The following DNAH9 variants were observed in gnomAD, a reference collection of about 807,000 sequenced individuals.
DNAH9 encodes dynein axonemal heavy chain 9.
A neutral mutation model predicts 471.6 loss-of-function variants in DNAH9; 345 were observed. The ratio of observed to expected loss-of-function variants is 0.73; its 90% CI spans 0.67 to 0.80. The LOEUF (loss-of-function observed/expected upper bound fraction) is 0.80. Ranked by LOEUF, DNAH9 falls within the 30% of genes least tolerant of loss-of-function variation. The probability of loss-of-function intolerance (pLI) is 0.00; values close to 1 mark genes in which losing one functional copy is unlikely to be tolerated. For synonymous variants in DNAH9, 2,093 were observed against 2,123.6 expected, an observed-to-expected ratio of 0.99 and a Z score of 0.40; for missense variants, 5,407 against 5,609.2, an observed-to-expected ratio of 0.96 and a Z score of 1.15.
In DNAH9 at chr17:11,701,164, A is replaced by G. The variant is rs1480573854; in HGVS notation, c.5068A>G (p.Thr1690Ala). Residue 1690 changes from threonine (T) to alanine (A), a missense_variant, in exon 24 of 69, where the codon ACT becomes GCT. Around this residue, in one of 3 missense-constraint regions of DNAH9, gnomAD observed 4,636 missense variants for 4,900.3 expected, o/e 0.95. Coordinates refer to ENST00000262442, the MANE Select transcript of DNAH9 (RefSeq NM_001372.4). ...LNHVLGHMKA[T>A]VRHEMTEGVT... Reference sequence around the variant, plus strand: ...CCATGTCCTTGGTCACATGAAGGCCACTGTGAGGCATGAGATGACAGAAGG... The same window carrying G: ...CCATGTCCTTGGTCACATGAAGGCCGCTGTGAGGCATGAGATGACAGAAGG... The G allele has an allele frequency of 6.2e-7, 1 of 1,614,008 alleles. No homozygotes were observed. The highest frequency in any genetic ancestry group is 1.3e-5 in the African/African-American group (1 of 74,944).
In DNAH9 at chr17:11,969,293, T is replaced by C. The variant is rs1050631828; in HGVS notation, c.13234-7T>C. On this transcript the variant is annotated splice_region_variant and splice_polypyrimidine_tract_variant and intron_variant, in intron 68 of 68. Transcript: ENST00000262442. ...CTAAGGTGCCTCTTCTCATGTTTTA[T>C]CCTCAGGCTGGGATCATTACAGAGG... is the stretch of plus-strand genomic sequence containing the variant. 2 of 1,613,158 alleles carry C rather than the reference T, an allele frequency of 1.2e-6. No individual in the cohort carries two copies. The highest frequency in any genetic ancestry group is 1.7e-6 in the Non-Finnish European group (2 of 1,179,530).
intron 43 of DNAH9, among the ~76,000 whole-genome samples, chr17:11,800,475 A>C (rs1203963902): frequency 6.6e-6 from 1 of 151,812 alleles, no homozygotes; most frequent in Non-Finnish European, 1.5e-5. Flanking sequence ...CTATGTTATC[A>C]TTTATCAAAA....
chr17:11,918,508 G>C (rs1395100518), intron 61 of DNAH9, among the ~76,000 whole-genome samples: 1 of 152,020 alleles, frequency 6.6e-6, no homozygotes, highest in Admixed American at 6.6e-5. Flanking sequence ...TGGGATTATA[G>C]GCATGAGTCA....
intron 45 of DNAH9, among the ~76,000 whole-genome samples, chr17:11,820,595 A>G (rs1163182106): frequency 2.6e-5 from 4 of 152,160 alleles, no homozygotes; most frequent in East Asian, 1.9e-4. Context: ...TTCCTTCACC[A>G]TGAACTTTCT....
chr17:11,727,392 C>T (rs2075173696), intron 27 of DNAH9, among the ~76,000 whole-genome samples: 2 of 152,046 alleles, frequency 1.3e-5, no homozygotes. Context: ...GTCTCCAGCT[C>T]CCTCACCACT....
At chr17:11,923,728 A>T in intron 61 of DNAH9, 86 bp from the exon 62 acceptor site, 3 of 1,541,560 alleles carry the variant, frequency 1.9e-6, no homozygotes, top group Non-Finnish European at 2.7e-6. Context: ...TTGAGGGGTG[A>T]TCTGAGCGTG....
In DNAH9 at chr17:11,758,305, C is replaced by T. The variant is rs1019465368; in HGVS notation, c.6995+613C>T. Among the ~76,000 whole-genome samples, 12 of 152,336 alleles carry T rather than the reference C, an allele frequency of 7.9e-5. No individual in the cohort carries two copies. In the South Asian group the frequency reaches 2.5e-3, roughly 32 times the overall value. ...TTGACCAAGAGGATACTTACTACAG[C>T]AAGAATACTATCTGTGTCAGCACAG... On this transcript the variant is annotated intron_variant, in intron 35 of 68. Transcript: ENST00000262442.
intron 57 of DNAH9, 70 bp downstream of exon 57, chr17:11,887,035 T>A: frequency 1.3e-6 from 2 of 1,506,896 alleles, no homozygotes; most frequent in Non-Finnish European, 1.8e-6. Flanking sequence ...CAGCTCTCTG[T>A]GAGAGCTTAT....
At chr17:11,959,455 A>G (rs962392007) in intron 67 of DNAH9, among the ~76,000 whole-genome samples, 10 of 152,240 alleles carry the variant, frequency 6.6e-5, no homozygotes, top group Non-Finnish European at 1.3e-4. Flanking sequence ...GAATTATCAC[A>G]TAACTACAGA....
At chr17:11,938,315 C>T (rs1056462524) in intron 66 of DNAH9, among the ~76,000 whole-genome samples, 1 of 151,856 alleles carries the variant, frequency 6.6e-6, no homozygotes, top group African/African-American at 2.4e-5. Context: ...AAAAATTAGC[C>T]GGGTGTGGTG....
Position 11,886,860 on chromosome 17 carries a change from C to T in DNAH9, c.11007C>T (p.Asn3669=), listed in dbSNP as rs151325104. ...CCAAGGTGACTGAAGTGAAAATCAA[C>T]GAGGCCCGAGAGCACTACCGGCCAG... ...QEAKVTEVKI[N]EAREHYRPAA... Residue 3669 remains asparagine (N), a synonymous_variant, in exon 57 of 69, where the codon AAC becomes AAT. Transcript: ENST00000262442. 82 of 1,611,868 alleles carry T rather than the reference C, an allele frequency of 5.1e-5. No individual in the cohort carries two copies. Among genetic ancestry groups the T allele is most frequent in the African/African-American group, 4.4e-4 (33 of 74,880 alleles).
chr17:11,673,741 A>G (rs982045368), intron 17 of DNAH9, among the ~76,000 whole-genome samples: 4 of 152,080 alleles, frequency 2.6e-5, no homozygotes, highest in Non-Finnish European at 5.9e-5. Context: ...GAAACAGAAC[A>G]TTGGCTATAT....
chr17:11,899,803 C>G (rs975807203), intron 59 of DNAH9, among the ~76,000 whole-genome samples: 1 of 152,170 alleles, frequency 6.6e-6, no homozygotes, highest in African/African-American at 2.4e-5. Context: ...GCTTTCTCAG[C>G]CTGTCAAGAG....
chr17:11,887,126 C>G lies in DNAH9; in HGVS notation c.11112+161C>G, dbSNP rs1972905035. Among the ~76,000 whole-genome samples the G allele has an allele frequency of 2.0e-5, 3 of 152,172 alleles. No homozygotes were observed. The South Asian group carries it at 6.2e-4, about 32-fold the overall frequency. On this transcript the variant is annotated intron_variant, in intron 57 of 68. Coordinates refer to ENST00000262442, the MANE Select transcript of DNAH9 (RefSeq NM_001372.4). ...TATGTTACCTTCAGACATCTCTTAC[C>G]ATCCTCATCTCTTTAATTGGGTCTT...
chr17:11,765,206 G>A (rs1157211591), intron 36 of DNAH9, among the ~76,000 whole-genome samples: 1 of 152,144 alleles, frequency 6.6e-6, no homozygotes, highest in Non-Finnish European at 1.5e-5. Context: ...CAACCCATGG[G>A]TGCTTATTAT....
intron 15 of DNAH9, among the ~76,000 whole-genome samples, chr17:11,665,943 C>T (rs1245788334): frequency 1.3e-5 from 2 of 152,170 alleles, no homozygotes; most frequent in South Asian, 4.1e-4. Context: ...CTGAGTGTAG[C>T]CCCAATGGCC....
At chr17:11,707,667 C>T (rs1049312029) in intron 26 of DNAH9, among the ~76,000 whole-genome samples, 1 of 152,100 alleles carries the variant, frequency 6.6e-6, no homozygotes, top group African/African-American at 2.4e-5. Context: ...ATCACTGTCT[C>T]CAGTGGCTCT....
intron 42 of DNAH9, among the ~76,000 whole-genome samples, chr17:11,797,063 G>A (rs1312961597): frequency 6.6e-6 from 1 of 152,214 alleles, no homozygotes; most frequent in Non-Finnish European, 1.5e-5. Context: ...CCAGTCACCT[G>A]AGGGTGGCTA....
At chr17:11,683,475 C>G (rs2074174940) in intron 19 of DNAH9, among the ~76,000 whole-genome samples, 1 of 152,116 alleles carries the variant, frequency 6.6e-6, no homozygotes, top group African/African-American at 2.4e-5. Context: ...CCCGGCCCAA[C>G]AGTCTCTTAA....
Sources: gnomAD v4.1 joint callset for allele counts (sites outside exome capture counted in the v4.1 genomes callset) on GRCh38, gnomAD v4.1.1 for gene constraint, gnomAD v4.1.1 regional missense constraint, MANE v1.5 for transcripts, NCBI Gene and HGNC (gene_info 2026-07-23, HGNC 2026-07-21) for gene names.